The following ABHD2 variants were observed in gnomAD, a reference collection of about 807,000 sequenced individuals.
ABHD2 encodes the protein abhydrolase domain containing 2, acylglycerol lipase, also known as monoacylglycerol lipase ABHD2.
In ABHD2, 20 loss-of-function variants were observed where a neutral mutation model predicts 48.1. That is an observed-to-expected ratio of 0.42 (90% CI 0.29 to 0.60). ABHD2 has a LOEUF of 0.60. ABHD2 is among the 20% of genes least tolerant of loss of function. ABHD2 has a pLI of 0.24. For missense variants in ABHD2, 405 were observed against 550.9 expected, an observed-to-expected ratio of 0.74 and a Z score of 2.65; for synonymous variants, 209 against 214.2, an observed-to-expected ratio of 0.98 and a Z score of 0.21.
the ABHD2 span, among the ~76,000 whole-genome samples, chr15:89,050,183 A>T: frequency 3.3e-5 from 5 of 152,316 alleles, no homozygotes; most frequent in East Asian, 5.8e-4. Flanking sequence ...GGAACAGAGC[A>T]GACCTGGCCT....
At chr15:89,063,559 C>G in the ABHD2 span, among the ~76,000 whole-genome samples, 7 of 152,114 alleles carry the variant, frequency 4.6e-5, no homozygotes, top group East Asian at 9.6e-4. Context: ...CACACACACA[C>G]ACATCACATC....
At position 89,191,011 on chromosome 15, in the gene ABHD2, C is replaced by T. The variant is rs112383589; in HGVS notation, c.927-69C>T. 489 of 1,519,916 alleles carry T rather than the reference C, an allele frequency of 3.2e-4. 3 individuals are homozygous for T. The African/African-American group carries it at 5.4e-3, about 17-fold the overall frequency. 94.2% of individuals were successfully genotyped at this position (1,519,916 alleles called of 1,614,324 possible). ...CGTGAGGAACTGGAGCCATCGTCGG[C>T]TCAGCATTCTGATCTTAAAGACCAA... On this transcript the variant is annotated intron_variant, in intron 8 of 10. Coordinates refer to ENST00000352732, the MANE Select transcript of ABHD2 (RefSeq NM_152924.5).
At chr15:89,066,848 C>G in the ABHD2 span, among the ~76,000 whole-genome samples, 1 of 152,310 alleles carries the variant, frequency 6.6e-6, no homozygotes, top group South Asian at 2.1e-4. Flanking sequence ...AGCTGAGTGC[C>G]TGATTGCACA....
In ABHD2 at chr15:89,201,829, G is replaced by T. The variant is rs536616849; in HGVS notation, c.*6406G>T. ...GGAGAGACAGCGCAGAGCAGGGGGC[G>T]GCTTGCTCGCTGGGGGCGGGGGACG... On this transcript the variant is annotated 3_prime_UTR_variant, in exon 11 of 11. Transcript: ENST00000352732. The T allele has an allele frequency of 4.3e-6, 5 of 1,174,654 alleles. No individual in the cohort carries two copies. The highest frequency in any genetic ancestry group is 6.1e-6 in the Non-Finnish European group (5 of 814,366). The allele number at this position is 1,174,654 out of a possible 1,614,324, so 72.8% of individuals were successfully genotyped here. A position where few individuals can be genotyped will look rare whatever the true frequency, so the allele number is the denominator to read the frequency against.
At chr15:89,149,422 T>A (rs1386925517) in intron 3 of ABHD2, among the ~76,000 whole-genome samples, 1 of 152,236 alleles carries the variant, frequency 6.6e-6, no homozygotes, top group Non-Finnish European at 1.5e-5. Context: ...ATTTACTAAG[T>A]GTCTCTATAT....
chr15:89,138,970 C>G (rs750909727), intron 3 of ABHD2, among the ~76,000 whole-genome samples: 1 of 151,872 alleles, frequency 6.6e-6, no homozygotes, highest in Non-Finnish European at 1.5e-5. Flanking sequence ...AATTCCAGCA[C>G]TGTGGGAGGC....
intron 3 of ABHD2, among the ~76,000 whole-genome samples, chr15:89,145,708 G>A (rs540603012): frequency 6.6e-5 from 10 of 152,208 alleles, no homozygotes; most frequent in African/African-American, 1.4e-4. Flanking sequence ...AAAGTGTGTC[G>A]CCCACCCACT....
chr15:89,136,029 C>T (rs1431027137), intron 3 of ABHD2: 3 of 218,084 alleles, frequency 1.4e-5, no homozygotes, highest in Admixed American at 5.4e-5. Flanking sequence ...CAGGTTCAAG[C>T]GATTCTTTTG....
intron 3 of ABHD2, among the ~76,000 whole-genome samples, chr15:89,124,494 A>G (rs1325988385): frequency 2.0e-5 from 3 of 152,222 alleles, no homozygotes; most frequent in Admixed American, 6.5e-5. Context: ...AAAGAATTTC[A>G]TTATCTTTGA....
At chr15:89,046,462 A>C in the ABHD2 span, among the ~76,000 whole-genome samples, 3 of 151,844 alleles carry the variant, frequency 2.0e-5, no homozygotes, top group African/African-American at 7.3e-5. Context: ...GAATAGTTTC[A>C]GAAGGAATGG....
rs1388890117 is a variant in ABHD2, at chr15:89,137,946, C to A, written c.195-13731C>A. The stretch of plus-strand genomic sequence containing the variant: ...CTGGCCCTCCTGAAAAGAAGGGCTT[C>A]CAGTGGGGGCTGTGTCCTAGTGGAG... On this transcript the variant is annotated intron_variant, in intron 3 of 10. Coordinates refer to ENST00000352732, the MANE Select transcript of ABHD2 (RefSeq NM_152924.5). This position sits in a 1 kb window ranked among gnomAD's most constrained non-coding sequence, Gnocchi z 4.8. Among the ~76,000 whole-genome samples, 1 of 152,154 alleles carries A rather than the reference C, an allele frequency of 6.6e-6. No individual in the cohort carries two copies. The highest frequency in any genetic ancestry group is 2.1e-4 in the South Asian group (1 of 4,828).
chr15:89,116,251 G>T lies in ABHD2; in HGVS notation c.-6-71G>T, dbSNP rs192420198. 92 of 1,399,114 alleles carry T rather than the reference G, an allele frequency of 6.6e-5. No homozygotes were observed. The highest frequency in any genetic ancestry group is 4.3e-5 in the African/African-American group (3 of 69,932). 86.7% of individuals were successfully genotyped at this position (1,399,114 alleles called of 1,614,324 possible). Reference sequence around the variant, plus strand: ...GGCAGTATCTCTTAGCCCACCATGCGTCTGTAGGGTGGTGGGCACCACCCG... The same window carrying T: ...GGCAGTATCTCTTAGCCCACCATGCTTCTGTAGGGTGGTGGGCACCACCCG... On this transcript the variant is annotated intron_variant, in intron 2 of 10. Transcript: ENST00000352732. This position sits in a 1 kb window ranked among gnomAD's most constrained non-coding sequence, Gnocchi z 4.6.
chr15:89,067,512 C>T, the ABHD2 span, among the ~76,000 whole-genome samples: 1 of 152,114 alleles, frequency 6.6e-6, no homozygotes, highest in Non-Finnish European at 1.5e-5. Context: ...GGGTTTTATG[C>T]CCTGGGCTTA....
At chr15:89,071,217 C>G in the ABHD2 span, among the ~76,000 whole-genome samples, 1 of 152,110 alleles carries the variant, frequency 6.6e-6, no homozygotes, top group Non-Finnish European at 1.5e-5. Context: ...GTCAGGAGTT[C>G]AAGACCAGCC....
chr15:89,099,149 T>C (rs919720035), intron 1 of ABHD2, among the ~76,000 whole-genome samples: 2 of 152,252 alleles, frequency 1.3e-5, no homozygotes, highest in African/African-American at 4.8e-5. Flanking sequence ...GTCAGTAAGT[T>C]AGGCATTCAG....
chr15:89,059,227 G>A, the ABHD2 span, among the ~76,000 whole-genome samples: 1,965 of 152,204 alleles, frequency 0.013, 45 homozygotes, highest in African/African-American at 0.044. Context: ...ATATGCCAGG[G>A]GATCCAGGAA....
chr15:89,149,660 C>T (rs1004305755), intron 3 of ABHD2, among the ~76,000 whole-genome samples: 4 of 152,180 alleles, frequency 2.6e-5, no homozygotes, highest in African/African-American at 4.8e-5. Flanking sequence ...CCCAAAGAAA[C>T]GCTGGGTGTG....
chr15:89,154,928 G>A (rs1471131008), intron 4 of ABHD2, among the ~76,000 whole-genome samples: 2 of 152,222 alleles, frequency 1.3e-5, no homozygotes, highest in Admixed American at 1.3e-4. Flanking sequence ...CTGGGTCAAA[G>A]AGGTCTGTGC....
At position 89,175,775 on chromosome 15, in the gene ABHD2, C is replaced by T. The variant is rs2051001491; in HGVS notation, c.539-37C>T. The T allele has an allele frequency of 6.2e-7, 1 of 1,612,690 alleles. No homozygotes were observed. Among genetic ancestry groups the T allele is most frequent in the African/African-American group, 1.3e-5 (1 of 74,954 alleles). ...TGCATTTTCTCCAGATAGGATGCAC[C>T]TGAAATGATTGAGCAATCTCACCCT... On this transcript the variant is annotated intron_variant, in intron 5 of 10. Coordinates refer to ENST00000352732, the MANE Select transcript of ABHD2 (RefSeq NM_152924.5). The surrounding 1 kb of genome is among the most constrained non-coding windows in gnomAD (Gnocchi z 5.7).
Sources: gnomAD v4.1 joint callset for allele counts (sites outside exome capture counted in the v4.1 genomes callset) on GRCh38, gnomAD v4.1.1 for gene constraint, Gnocchi (gnomAD v3.1) non-coding constraint, MANE v1.5 for transcripts, NCBI Gene and HGNC (gene_info 2026-07-23, HGNC 2026-07-21) for gene names.